Variants in CAVIN3 observed in about 807,000 individuals in gnomAD.
CAVIN3 encodes the protein caveolae associated protein 3.
A neutral mutation model predicts 8.2 loss-of-function variants in CAVIN3; 11 were observed. That is an observed-to-expected ratio of 1.35 (90% confidence interval 0.85 to 2.23). The LOEUF is 2.23. Ranked by LOEUF, CAVIN3 falls within the 30% of genes most tolerant of loss-of-function variation. The pLI is 0.00. For synonymous variants in CAVIN3, 191 were observed against 166.3 expected, an observed-to-expected ratio of 1.15 and a Z score of -1.14; for missense variants, 401 against 359.5, an observed-to-expected ratio of 1.12 and a Z score of -0.93.
rs1210440389 is a variant in CAVIN3, at chr11:6,319,389, T to C, written c.560A>G (p.Gln187Arg). 4.3e-6 allele frequency: 7 copies of C among 1,609,610 alleles called. No homozygotes were observed. The highest frequency in any genetic ancestry group is 2.2e-5 in the East Asian group (1 of 44,866). ...RLRRTGLQKVQSLRRALSGRK... is the reference protein window; with the variant it reads ...RLRRTGLQKVRSLRRALSGRK... Reference sequence around the variant, plus strand: ...GCCCGAAAGGGCCCTTCGGAGGCTCTGTACCTTCTGCAATCCGGTGCGCCG... The same window carrying C: ...GCCCGAAAGGGCCCTTCGGAGGCTCCGTACCTTCTGCAATCCGGTGCGCCG... The change falls in exon 2 of 2, where the codon CAG (glutamine) becomes CGG (arginine). Residue 187 changes from glutamine (Q) to arginine (R), a missense_variant. Physicochemically the swap from Gln to Arg is conservative, Grantham distance 43 (BLOSUM62 1). Transcript: ENST00000303927.
At chr11:6,319,897 G>T in intron 1 of CAVIN3, 196 bp downstream of exon 1, 1 of 726,682 alleles carries the variant, frequency 1.4e-6, no homozygotes, top group Non-Finnish European at 2.2e-6. Flanking sequence ...TGGCCAGGCG[G>T]GGCTCAGGCG....
In CAVIN3 at chr11:6,319,259, G is replaced by A. The variant is rs773366841; in HGVS notation, c.690C>T (p.Pro230=). The part of the protein sequence containing the change: ...AQPEAQPALE[P]TLEPEPPQDT... The stretch of plus-strand genomic sequence containing the variant: ...CCTGCGGAGGCTCTGGCTCCAGCGT[G>A]GGCTCCAGCGCAGGCTGGGCTTCCG... Residue 230 remains proline (P), a synonymous_variant, in exon 2 of 2, where the codon CCC becomes CCT. Transcript: ENST00000303927. 4 of 1,604,958 alleles carry A rather than the reference G, an allele frequency of 2.5e-6. No individual in the cohort carries two copies. The highest frequency in any genetic ancestry group is 1.3e-5 in the African/African-American group (1 of 74,560).
chr11:6,320,068 T>C (rs553842100), intron 1 of CAVIN3, 25 bp downstream of exon 1: 64 of 1,563,426 alleles, frequency 4.1e-5, no homozygotes, highest in African/African-American at 1.1e-4. Flanking sequence ...AGGCCTCGGA[T>C]TGGGGACCGT....
intron 1 of CAVIN3, chr11:6,319,777 G>T: frequency 1.4e-6 from 1 of 700,280 alleles, no homozygotes; most frequent in Non-Finnish European, 2.5e-6. Flanking sequence ...GAAGAGGATA[G>T]TGCCCGCAGT....
chr11:6,320,183 G>A lies in CAVIN3; in HGVS notation c.294C>T (p.Arg98=). ...GCACCTGGGCTGCGCGGCGCACCGC[G>A]CGCTCTTGGGCGGCGTTGGCGTGCG... is the stretch of plus-strand genomic sequence containing the variant. ...VSSHANAAQE[R]AVRRAAQVQR... The change falls in exon 1 of 2, where the codon CGC becomes CGT. Residue 98 remains arginine, a synonymous_variant. Transcript: ENST00000303927. 1 of 1,568,782 alleles carries A rather than the reference G, an allele frequency of 6.4e-7. No homozygotes were observed. Among genetic ancestry groups the A allele is most frequent in the Non-Finnish European group, 8.6e-7 (1 of 1,165,538 alleles).
At position 6,319,346 on chromosome 11, in the gene CAVIN3, C is replaced by T. The variant is rs773615461; in HGVS notation, c.603G>A (p.Ala201=). Residue 201 remains alanine (A), a synonymous_variant, in exon 2 of 2, where the codon GCG becomes GCA. Coordinates refer to ENST00000303927, the MANE Select transcript of CAVIN3 (RefSeq NM_145040.3). ...GCGGCTTGACCGGGGTGGGCGGTGGCGCTGCAGGGCCTTTCCGGCCCGAAA... is the reference window on the plus strand; with the variant it reads ...GCGGCTTGACCGGGGTGGGCGGTGGTGCTGCAGGGCCTTTCCGGCCCGAAA... The part of the protein sequence containing the change: ...RALSGRKGPA[A]PPPTPVKPPR... 5 of 1,596,146 alleles carry T rather than the reference C, an allele frequency of 3.1e-6. No individual in the cohort carries two copies. The highest frequency in any genetic ancestry group is 4.3e-6 in the Non-Finnish European group (5 of 1,172,896).
rs750140731 is a variant in CAVIN3, at chr11:6,320,429, C to T, written c.48G>A (p.Ala16=). 1.9e-6 allele frequency: 3 copies of T among 1,551,356 alleles called. No homozygotes were observed. Among genetic ancestry groups the T allele is most frequent in the Admixed American group, 1.9e-5 (1 of 53,388 alleles). The change falls in exon 1 of 2, where the codon GCG becomes GCA. Residue 16 remains alanine (A), a synonymous_variant. Coordinates refer to ENST00000303927, the MANE Select transcript of CAVIN3 (RefSeq NM_145040.3). ...LERGPVPEAP[A]GGPVHAVTVV... is the part of the protein sequence containing the mutation. The stretch of plus-strand genomic sequence containing the variant: ...CCGTCACGGCGTGCACGGGACCCCC[C>T]GCCGGCGCCTCGGGCACAGGCCCCC...
Position 6,320,310 on chromosome 11 carries a change from G to A in CAVIN3, c.167C>T (p.Ser56Phe). The A allele has an allele frequency of 1.3e-6, 2 of 1,565,360 alleles. No homozygotes were observed. Among genetic ancestry groups the A allele is most frequent in the Non-Finnish European group, 8.6e-7 (1 of 1,163,410 alleles). ...CAGGCCGCTCTGGATGCGGCGCACG[G>A]ACCCTGCCAGGCCTCCCTGCCTTCG... ...LARRQGGLAG[S>F]VRRIQSGLGA... The change falls in exon 1 of 2, where the codon TCC becomes TTC. Residue 56 changes from serine to phenylalanine, a missense_variant. Physicochemically the swap from Ser to Phe is radical, Grantham distance 155. Transcript: ENST00000303927.
rs750250385 is a variant in CAVIN3, at chr11:6,319,209, G to A, written c.740C>T (p.Pro247Leu). ...PQDTEEDPGR[P>L]GAAEEALLQM... ...GAGCAGAGCTTCTTCGGCAGCCCCAGGTCTCCCGGGATCTTCCTCGGTGTC... is the reference window on the plus strand; with the variant it reads ...GAGCAGAGCTTCTTCGGCAGCCCCAAGTCTCCCGGGATCTTCCTCGGTGTC... Residue 247 changes from proline to leucine, a missense_variant, in exon 2 of 2, where the codon CCT becomes CTT. Physicochemically the swap from Pro to Leu is moderately conservative, Grantham distance 98. Coordinates refer to ENST00000303927, the MANE Select transcript of CAVIN3 (RefSeq NM_145040.3). The A allele has an allele frequency of 2.6e-6, 4 of 1,553,642 alleles. No individual in the cohort carries two copies. The Admixed American group carries it at 6.2e-5, about 24-fold the overall frequency.
At chr11:6,319,791 G>A (rs1846792229) in intron 1 of CAVIN3, 1 of 679,784 alleles carries the variant, frequency 1.5e-6, no homozygotes, top group Non-Finnish European at 2.6e-6. Context: ...CCGCAGTCAC[G>A]GAATGCCCTT....
In CAVIN3 at chr11:6,319,153, A is replaced by G; in HGVS notation, c.*10T>C. ...GGCACAAGCACAGGGGAGGCAGGCA[A>G]CACCAGCCCTCAGGCTACACTCTCC... On this transcript the variant is annotated 3_prime_UTR_variant, in exon 2 of 2. Coordinates refer to ENST00000303927, the MANE Select transcript of CAVIN3 (RefSeq NM_145040.3). 6.6e-7 allele frequency: 1 copy of G among 1,512,552 alleles called. No individual in the cohort carries two copies. The highest frequency in any genetic ancestry group is 1.4e-5 in the African/African-American group (1 of 71,402). 93.7% of individuals were successfully genotyped at this position (1,512,552 alleles called of 1,614,324 possible).
chr11:6,319,900 C>T (rs1370342301), intron 1 of CAVIN3, 193 bp downstream of exon 1: 2 of 734,586 alleles, frequency 2.7e-6, no homozygotes, highest in East Asian at 2.7e-5. Flanking sequence ...CCAGGCGGGG[C>T]TCAGGCGTGA....
At chr11:6,319,618 C>T in intron 1 of CAVIN3, 54 bp from the exon 2 acceptor site, 3 of 1,528,788 alleles carry the variant, frequency 2.0e-6, no homozygotes, top group Non-Finnish European at 2.6e-6. Flanking sequence ...CCCAGCAGCC[C>T]GAAACTCACT....
In CAVIN3 at chr11:6,319,413, C is replaced by T. The variant is rs1846776455; in HGVS notation, c.536G>A (p.Arg179Gln). 1.2e-6 allele frequency: 2 copies of T among 1,611,276 alleles called. No individual in the cohort carries two copies. Among genetic ancestry groups the T allele is most frequent in the African/African-American group, 2.7e-5 (2 of 74,908 alleles). ...EPVESRAQRL[R>Q]RTGLQKVQSL... is the part of the protein sequence containing the mutation. ...CTGTACCTTCTGCAATCCGGTGCGCCGCAGCCGCTGGGCCCTGGACTCCAC... is the reference window on the plus strand; with the variant it reads ...CTGTACCTTCTGCAATCCGGTGCGCTGCAGCCGCTGGGCCCTGGACTCCAC... The change falls in exon 2 of 2, where the codon CGG becomes CAG. Residue 179 changes from arginine to glutamine, a missense_variant. Physicochemically the swap from Arg to Gln is conservative, Grantham distance 43. Coordinates refer to ENST00000303927, the MANE Select transcript of CAVIN3 (RefSeq NM_145040.3).
At position 6,319,286 on chromosome 11, in the gene CAVIN3, C is replaced by T. The variant is rs1161356875; in HGVS notation, c.663G>A (p.Gln221=). ...GCTCCAGCGCAGGCTGGGCTTCCGGCTGGGCTTCAGCGCTCCGGCCAGGCC... is the reference window on the plus strand; with the variant it reads ...GCTCCAGCGCAGGCTGGGCTTCCGGTTGGGCTTCAGCGCTCCGGCCAGGCC... The part of the protein sequence containing the change: ...RLGPGRSAEA[Q]PEAQPALEPT... The change falls in exon 2 of 2, where the codon CAG becomes CAA. Residue 221 remains glutamine, a synonymous_variant. Transcript: ENST00000303927. The T allele has an allele frequency of 6.2e-7, 1 of 1,609,468 alleles. No homozygotes were observed. Among genetic ancestry groups the T allele is most frequent in the South Asian group, 1.1e-5 (1 of 90,492 alleles).
chr11:6,319,176 T>C lies in CAVIN3; in HGVS notation c.773A>G (p.Glu258Gly), dbSNP rs762061933. 4.1e-5 allele frequency: 62 copies of C among 1,529,326 alleles called. No individual in the cohort carries two copies. The highest frequency in any genetic ancestry group is 4.4e-5 in the Non-Finnish European group (50 of 1,141,876). The allele number at this position is 1,529,326 out of a possible 1,614,324, so 94.7% of individuals were successfully genotyped here. The part of the protein sequence containing the change: ...GAAEEALLQM[E>G]SVA Reference sequence around the variant, plus strand: ...CAACACCAGCCCTCAGGCTACACTCTCCATTTGGAGCAGAGCTTCTTCGGC... The same window carrying C: ...CAACACCAGCCCTCAGGCTACACTCCCCATTTGGAGCAGAGCTTCTTCGGC... The change falls in exon 2 of 2, where the codon GAG (glutamate) becomes GGG (glycine). Residue 258 changes from glutamate to glycine, a missense_variant. Transcript: ENST00000303927.
In CAVIN3 at chr11:6,319,625, C is replaced by T. The variant is rs112645567; in HGVS notation, c.385-61G>A. The T allele has an allele frequency of 1.3e-3, 2,018 of 1,524,082 alleles. 25 individuals carry two copies. In the African/African-American group the frequency reaches 0.025, roughly 19 times the overall value. 94.4% of individuals were successfully genotyped at this position (1,524,082 alleles called of 1,614,324 possible). On this transcript the variant is annotated intron_variant, in intron 1 of 1. Coordinates refer to ENST00000303927, the MANE Select transcript of CAVIN3 (RefSeq NM_145040.3). ...TCCTTACCCCCAGCAGCCCGAAACT[C>T]ACTCCTTAATTACACAAGGGAAACC... is the stretch of plus-strand genomic sequence containing the variant.
At position 6,319,325 on chromosome 11, in the gene CAVIN3, C is replaced by A; in HGVS notation, c.624G>T (p.Lys208Asn). The A allele has an allele frequency of 1.2e-6, 2 of 1,604,128 alleles. No individual in the cohort carries two copies. The highest frequency in any genetic ancestry group is 1.7e-6 in the Non-Finnish European group (2 of 1,175,696). The change falls in exon 2 of 2, where the codon AAG becomes AAT. Residue 208 changes from lysine to asparagine, a missense_variant. Physicochemically the swap from Lys to Asn is moderately conservative, Grantham distance 94 (BLOSUM62 0). Transcript: ENST00000303927. ...GPAAPPPTPV[K>N]PPRLGPGRSA... ...TCCGGCCAGGCCCAAGGCGAGGCGG[C>A]TTGACCGGGGTGGGCGGTGGCGCTG...
In CAVIN3 at chr11:6,319,391, T is replaced by TA. The variant is rs1846775597; in HGVS notation, c.557dup (p.Gln187ThrfsTer33). ...CCGAAAGGGCCCTTCGGAGGCTCTGTACCTTCTGCAATCCGGTGCGCCGCA... is the reference window on the plus strand; with the variant it reads ...CCGAAAGGGCCCTTCGGAGGCTCTGTAACCTTCTGCAATCCGGTGCGCCGCA... On this transcript the variant is annotated frameshift_variant, in exon 2 of 2. Transcript: ENST00000303927. LOFTEE classifies it low-confidence loss of function (END_TRUNC). 2 of 1,610,134 alleles carry TA rather than the reference T, an allele frequency of 1.2e-6. No individual in the cohort carries two copies. The highest frequency in any genetic ancestry group is 2.7e-5 in the African/African-American group (2 of 74,832).
Sources: allele counts gnomAD v4.1 joint callset, GRCh38; gene constraint gnomAD v4.1.1; transcripts MANE v1.5; gene names NCBI Gene and HGNC (gene_info 2026-07-23, HGNC 2026-07-21).